SLTM: variants seen among roughly 807,000 people sequenced by gnomAD.
SLTM encodes the protein SAFB like transcription modulator.
A neutral mutation model predicts 134.6 loss-of-function variants in SLTM; 43 were observed. That is an observed-to-expected ratio of 0.32 (90% confidence interval 0.25 to 0.41). SLTM has a LOEUF of 0.41. SLTM is among the 10% of genes least tolerant of loss of function. SLTM has a pLI of 1.00. For missense variants in SLTM, 1,055 were observed against 1,288.8 expected (o/e 0.82, Z 2.78); for synonymous variants, 424 against 432.3 (o/e 0.98, Z 0.24).
intron 2 of SLTM, among the ~76,000 whole-genome samples, chr15:58,929,678 G>T (rs1207724447): frequency 1.3e-5 from 2 of 152,022 alleles, no homozygotes; most frequent in Non-Finnish European, 2.9e-5. Flanking sequence ...CTCCCACCTT[G>T]GCCTTTTGGG....
At chr15:58,897,057 A>G (rs1483028820) in intron 9 of SLTM, 58 bp downstream of exon 9, 4 of 974,490 alleles carry the variant, frequency 4.1e-6, no homozygotes, top group African/African-American at 1.6e-5. Flanking sequence ...TTTAGAATAC[A>G]ATCCTCATTT....
chr15:58,907,194 C>T lies in SLTM; in HGVS notation c.561+5369G>A, dbSNP rs573472238. On this transcript the variant is annotated intron_variant, in intron 5 of 20. Coordinates refer to ENST00000380516, the MANE Select transcript of SLTM (RefSeq NM_024755.4). ...GGTGAATCTGGCTGTGAGAGGTATA[C>T]AGATTTTTATATAACAAAAAGTAAG... 1.2e-3 allele frequency among the ~76,000 whole-genome samples: 177 copies of T among 152,102 alleles called. 1 individual carries two copies. Among genetic ancestry groups the T allele is most frequent in the African/African-American group, 4.0e-3 (168 of 41,494 alleles).
chr15:58,908,586 C>T (rs975763000), intron 5 of SLTM, among the ~76,000 whole-genome samples: 17 of 151,980 alleles, frequency 1.1e-4, no homozygotes, highest in African/African-American at 4.1e-4. Flanking sequence ...CCAGGCTGGT[C>T]TCGAACTCCT....
Position 58,917,010 on chromosome 15 carries a change from A to T in SLTM, c.251-11T>A. ...CTTCATGTTTTTTACCTGCGAAAGAAGGAAAATGGGCTAACAACCAATATT... is the reference window on the plus strand; with the variant it reads ...CTTCATGTTTTTTACCTGCGAAAGATGGAAAATGGGCTAACAACCAATATT... On this transcript the variant is annotated splice_polypyrimidine_tract_variant and intron_variant, in intron 2 of 20. Coordinates refer to ENST00000380516, the MANE Select transcript of SLTM (RefSeq NM_024755.4). 1 of 1,613,132 alleles carries T rather than the reference A, an allele frequency of 6.2e-7. No individual in the cohort carries two copies. Among genetic ancestry groups the T allele is most frequent in the Non-Finnish European group, 8.5e-7 (1 of 1,179,348 alleles).
rs759391002 is a variant in SLTM, at chr15:58,933,607, A to C, written c.-42T>G. ...GCTGCCGAGGCAGCGAGTGGGCTGCAGGGCGGCGGCAGCAGCGCCAACTTC... is the reference window on the plus strand; with the variant it reads ...GCTGCCGAGGCAGCGAGTGGGCTGCCGGGCGGCGGCAGCAGCGCCAACTTC... On this transcript the variant is annotated 5_prime_UTR_variant, in exon 1 of 21. Coordinates refer to ENST00000380516, the MANE Select transcript of SLTM (RefSeq NM_024755.4). 2.0e-6 allele frequency: 3 copies of C among 1,514,506 alleles called. No individual in the cohort carries two copies. The highest frequency in any genetic ancestry group is 2.7e-6 in the Non-Finnish European group (3 of 1,131,790). The allele number at this position is 1,514,506 out of a possible 1,614,324, so 93.8% of individuals were successfully genotyped here.
intron 5 of SLTM, among the ~76,000 whole-genome samples, chr15:58,911,745 T>C (rs947984238): frequency 2.0e-5 from 3 of 152,186 alleles, no homozygotes; most frequent in Non-Finnish European, 4.4e-5. Context: ...ACTATGTGTA[T>C]CACATATAGC....
rs142564386 is a variant in SLTM at position 58,887,454 on chromosome 15, T to C, written c.2462A>G (p.Lys821Arg). The part of the protein sequence containing the change: ...REDPSFERYP[K>R]NFSDSRRNEP... ...ATTTCTTCTGGAGTCACTGAAATTT[T>C]TGGGATATCTTTCGAAGCTTGGATC... The change falls in exon 18 of 21, where the codon AAA becomes AGA. Residue 821 changes from lysine (K) to arginine (R), a missense_variant. By Grantham distance (26) the Lys-to-Arg change is conservative. Coordinates refer to ENST00000380516, the MANE Select transcript of SLTM (RefSeq NM_024755.4). 1.7e-5 allele frequency: 28 copies of C among 1,614,076 alleles called. No homozygotes were observed. The highest frequency in any genetic ancestry group is 4.0e-5 in the African/African-American group (3 of 74,930).
chr15:58,886,268 T>TGTGTGTG (rs1491155719), intron 19 of SLTM, among the ~76,000 whole-genome samples: 1 of 126,362 alleles, frequency 7.9e-6, no homozygotes, highest in African/African-American at 3.1e-5. Context: ...TGTGTGTGTA[T>TGTGTGTG]TTTTTTTTTT....
chr15:58,893,807 G>C lies in SLTM; in HGVS notation c.1648+14C>G. On this transcript the variant is annotated intron_variant, in intron 12 of 20. Transcript: ENST00000380516. The stretch of plus-strand genomic sequence containing the variant: ...GAATGCATTAGAAAGGGATTGAAAA[G>C]ATGTATAGCATACTTATTCGCTTCT... 1 of 1,596,786 alleles carries C rather than the reference G, an allele frequency of 6.3e-7. No individual in the cohort carries two copies.
At chr15:58,881,491 C>T (rs2033706203) in intron 20 of SLTM, among the ~76,000 whole-genome samples, 1 of 151,278 alleles carries the variant, frequency 6.6e-6, no homozygotes, top group African/African-American at 2.4e-5. Context: ...AGTGCCACTG[C>T]ACTCCAGCTT....
In SLTM at chr15:58,890,292, G is replaced by A; in HGVS notation, c.2068C>T (p.Arg690Cys). Reference sequence around the variant, plus strand: ...TTTTCTGACTGCACCTGTTCAATACGAATGCGTTCCCTTTCCAAGCGTTCG... The same window carrying A: ...TTTTCTGACTGCACCTGTTCAATACAAATGCGTTCCCTTTCCAAGCGTTCG... ...ERERLERERIRIEQERRKEAE... is the reference protein window; with the variant it reads ...ERERLERERICIEQERRKEAE... Residue 690 changes from arginine to cysteine, a missense_variant, in exon 15 of 21, where the codon CGT becomes TGT. Around this residue, in one of 3 missense-constraint regions of SLTM, gnomAD observed 776 missense variants for 962.2 expected, o/e 0.81. Transcript: ENST00000380516. 6.2e-7 allele frequency: 1 copy of A among 1,613,996 alleles called. No individual in the cohort carries two copies. Among genetic ancestry groups the A allele is most frequent in the Non-Finnish European group, 8.5e-7 (1 of 1,179,930 alleles).
At chr15:58,905,895 T>C (rs899606965) in intron 5 of SLTM, among the ~76,000 whole-genome samples, 6 of 152,230 alleles carry the variant, frequency 3.9e-5, no homozygotes, top group Non-Finnish European at 8.8e-5. Context: ...TTTCATAATT[T>C]AAAGGCAAAC....
chr15:58,910,319 A>C (rs2036169535), intron 5 of SLTM, among the ~76,000 whole-genome samples: 1 of 152,192 alleles, frequency 6.6e-6, no homozygotes, highest in African/African-American at 2.4e-5. Flanking sequence ...CTCAGTAAGC[A>C]TGTTTAGAAG....
At chr15:58,909,425 A>AAGG (rs2036101135) in intron 5 of SLTM, among the ~76,000 whole-genome samples, 1 of 152,226 alleles carries the variant, frequency 6.6e-6, no homozygotes, top group African/African-American at 2.4e-5. Context: ...GGTAAATAAA[A>AAGG]AGGAAAGAAT....
chr15:58,900,718 C>T, intron 6 of SLTM: 1 of 154,506 alleles, frequency 6.5e-6, no homozygotes, highest in East Asian at 1.9e-4. Context: ...AAGGACTCTT[C>T]CATAACCTCC....
Position 58,892,916 on chromosome 15 carries a change from G to A in SLTM, c.1879C>T (p.Arg627Ter). The A allele has an allele frequency of 6.2e-7, 1 of 1,613,018 alleles. No individual in the cohort carries two copies. The highest frequency in any genetic ancestry group is 8.5e-7 in the Non-Finnish European group (1 of 1,179,714). ...EHLVRFERLR[R>*]AMELRRRREI... ...TCCTACCTTCGAAGTTCCATTGCTC[G>A]TCGCAGCCTTTCAAAACGAACTAAA... The change falls in exon 14 of 21, where the codon CGA becomes TGA. Residue 627 changes from arginine to a stop codon, truncating the protein, a stop_gained. Transcript: ENST00000380516. LOFTEE classifies it high-confidence loss of function.
chr15:58,904,118 C>G (rs1026501585), intron 5 of SLTM, among the ~76,000 whole-genome samples: 3 of 152,146 alleles, frequency 2.0e-5, no homozygotes, highest in Non-Finnish European at 4.4e-5. Context: ...ATCCTCCGGC[C>G]TCGGCCTCCC....
intron 5 of SLTM, among the ~76,000 whole-genome samples, chr15:58,909,926 T>C (rs2036138797): frequency 2.0e-5 from 3 of 152,102 alleles, no homozygotes; most frequent in African/African-American, 4.8e-5. Flanking sequence ...ACAAATAAAA[T>C]AGTAAGAGGA....
intron 5 of SLTM, among the ~76,000 whole-genome samples, chr15:58,904,735 G>C (rs1161547176): frequency 2.0e-5 from 3 of 151,454 alleles, no homozygotes; most frequent in Non-Finnish European, 4.4e-5. Context: ...TTCTGAGACT[G>C]AGTGTCGCTC....
Sources: allele counts gnomAD v4.1 joint callset (sites outside exome capture counted in the v4.1 genomes callset), GRCh38; gene constraint gnomAD v4.1.1; regional missense constraint gnomAD v4.1.1; transcripts MANE v1.5; gene names NCBI Gene and HGNC (gene_info 2026-07-23, HGNC 2026-07-21).